The following RALGAPA2 variants were observed in gnomAD, a reference collection of about 807,000 sequenced individuals.
RALGAPA2 encodes Ral GTPase activating protein catalytic subunit alpha 2.
RALGAPA2 carries 139 observed loss-of-function variants against 230.4 expected under a neutral mutation model. The ratio of observed to expected loss-of-function variants is 0.60; its 90% CI spans 0.53 to 0.69. The LOEUF is 0.69. Ranked by LOEUF, RALGAPA2 falls within the 30% of genes least tolerant of loss-of-function variation. The pLI, the probability that RALGAPA2 is intolerant of heterozygous loss-of-function variation, is 0.00. For missense variants in RALGAPA2, 2,163 were observed against 2,276.0 expected, an observed-to-expected ratio of 0.95 and a Z score of 1.01; for synonymous variants, 847 against 837.8, an observed-to-expected ratio of 1.01 and a Z score of -0.19.
chr20:20,443,619 T>C (rs573464953), intron 37 of RALGAPA2, among the ~76,000 whole-genome samples: 2 of 152,336 alleles, frequency 1.3e-5, no homozygotes, highest in African/African-American at 2.4e-5. Flanking sequence ...GCGTACCACA[T>C]GACATCCTCA....
intron 38 of RALGAPA2, among the ~76,000 whole-genome samples, chr20:20,403,630 C>T (rs527549316): frequency 1.3e-5 from 2 of 152,328 alleles, no homozygotes; most frequent in African/African-American, 4.8e-5. Context: ...CCTCACGAAG[C>T]TGCATGCCCA....
At chr20:20,407,110 T>TGG (rs1268776111) in intron 38 of RALGAPA2, among the ~76,000 whole-genome samples, 1 of 152,152 alleles carries the variant, frequency 6.6e-6, no homozygotes, top group Non-Finnish European at 1.5e-5. Context: ...GGTCCCTTCC[T>TGG]GGGTTGGTCT....
chr20:20,601,594 T>C lies in RALGAPA2; in HGVS notation c.2203+88A>G, dbSNP rs75313737. 1.1e-3 allele frequency: 1,436 copies of C among 1,339,978 alleles called. 17 individuals are homozygous for C. The African/African-American group carries it at 0.019, about 18-fold the overall frequency. The allele number at this position is 1,339,978 out of a possible 1,614,324, so 83.0% of individuals were successfully genotyped here. A position where few individuals can be genotyped will look rare whatever the true frequency, so the allele number is the denominator to read the frequency against. On this transcript the variant is annotated intron_variant, in intron 16 of 39. Coordinates refer to ENST00000202677, the MANE Select transcript of RALGAPA2 (RefSeq NM_020343.4). The stretch of plus-strand genomic sequence containing the variant: ...TAATATAAGGTCTAATATTTAAATT[T>C]TGAGTAGAATTTTTAACACACTTTA...
chr20:20,711,081 G>A (rs2069842916), intron 1 of RALGAPA2, among the ~76,000 whole-genome samples: 1 of 152,200 alleles, frequency 6.6e-6, no homozygotes. Context: ...CCCTGTAACA[G>A]CAACTAATTT....
At chr20:20,412,297 G>C (rs975624418) in intron 37 of RALGAPA2, 149 bp from the exon 38 acceptor site, 38 of 1,128,114 alleles carry the variant, frequency 3.4e-5, no homozygotes, top group Non-Finnish European at 4.8e-5. Flanking sequence ...TTAAGTATTA[G>C]TCATAATTCA....
Position 20,677,629 on chromosome 20 carries a change from A to ATTTTT in RALGAPA2, c.218-1346_218-1342dup, listed in dbSNP as rs758379115. Among the ~76,000 whole-genome samples, 49 of 64,308 alleles carry ATTTTT rather than the reference A, an allele frequency of 7.6e-4. 3 individuals carry two copies. Among genetic ancestry groups the ATTTTT allele is most frequent in the East Asian group, 2.3e-3 (5 of 2,198 alleles). 42.2% of individuals were successfully genotyped at this position (64,308 alleles called of 152,430 possible). ...GCAGCCAAGAATCATGATTTGACCC[A>ATTTTT]TTTTTTTTTTTTTTTTTTTTTTTTT... On this transcript the variant is annotated intron_variant, in intron 2 of 39. Transcript: ENST00000202677.
chr20:20,402,425 C>A (rs1447416227), intron 38 of RALGAPA2, among the ~76,000 whole-genome samples: 1 of 152,214 alleles, frequency 6.6e-6, no homozygotes, highest in Non-Finnish European at 1.5e-5. Context: ...GGATGGCCAT[C>A]TGCGCGATTC....
At position 20,546,585 on chromosome 20, in the gene RALGAPA2, A is replaced by G. The variant is rs958841980; in HGVS notation, c.3285+119T>C. The G allele has an allele frequency of 5.5e-6, 7 of 1,274,236 alleles. No individual in the cohort carries two copies. The African/African-American group carries it at 9.1e-5, about 17-fold the overall frequency. 78.9% of individuals were successfully genotyped at this position (1,274,236 alleles called of 1,614,324 possible). A position where few individuals can be genotyped will look rare whatever the true frequency, so the allele number is the denominator to read the frequency against. ...ATCAGCTGCCAGGGTATCTACCCTG[A>G]GAGCCCAGTTTCACATTGCACTAAT... On this transcript the variant is annotated intron_variant, in intron 24 of 39. Coordinates refer to ENST00000202677, the MANE Select transcript of RALGAPA2 (RefSeq NM_020343.4).
intron 38 of RALGAPA2, among the ~76,000 whole-genome samples, chr20:20,400,634 T>C (rs1448854786): frequency 5.3e-5 from 8 of 152,328 alleles, no homozygotes; most frequent in South Asian, 2.1e-4. Flanking sequence ...CTCACTCTCA[T>C]GGAACATAAA....
chr20:20,652,208 G>A lies in RALGAPA2; in HGVS notation c.328+1322C>T, dbSNP rs1236508362. 3.3e-5 allele frequency among the ~76,000 whole-genome samples: 5 copies of A among 151,716 alleles called. 1 individual carries two copies. In the East Asian group the frequency reaches 5.8e-4, roughly 18 times the overall value. ...AATCCTAAATGAAATTTAGGATTTA[G>A]AATTTTGGAATATCCACTAATCATG... On this transcript the variant is annotated intron_variant, in intron 4 of 39. Coordinates refer to ENST00000202677, the MANE Select transcript of RALGAPA2 (RefSeq NM_020343.4).
chr20:20,561,689 T>A (rs1269852525), intron 23 of RALGAPA2, among the ~76,000 whole-genome samples: 1 of 152,240 alleles, frequency 6.6e-6, no homozygotes, highest in East Asian at 1.9e-4. Context: ...ATTTATTCCC[T>A]TGGTTAAGCT....
intron 37 of RALGAPA2, among the ~76,000 whole-genome samples, chr20:20,424,979 A>T (rs1204869558): frequency 6.6e-6 from 1 of 152,238 alleles, no homozygotes; most frequent in Non-Finnish European, 1.5e-5. Flanking sequence ...TACAGGTACT[A>T]TTTAGTGCAA....
intron 20 of RALGAPA2, among the ~76,000 whole-genome samples, chr20:20,576,235 A>G (rs2064816181): frequency 6.6e-6 from 1 of 152,148 alleles, no homozygotes; most frequent in Non-Finnish European, 1.5e-5. Flanking sequence ...ACAACAAACC[A>G]ATACTAAAAG....
intron 33 of RALGAPA2, among the ~76,000 whole-genome samples, chr20:20,507,668 A>C (rs1175653753): frequency 6.6e-6 from 1 of 152,188 alleles, no homozygotes; most frequent in Non-Finnish European, 1.5e-5. Flanking sequence ...AATATCTCTA[A>C]TATGTCCTTA....
intron 24 of RALGAPA2, among the ~76,000 whole-genome samples, chr20:20,543,813 G>GAC (rs1031431751): frequency 1.5e-4 from 23 of 151,652 alleles, no homozygotes; most frequent in Admixed American, 1.5e-3. Context: ...ACACCAACAT[G>GAC]ACACATGTAT....
chr20:20,485,113 T>C (rs1197940654), intron 36 of RALGAPA2, among the ~76,000 whole-genome samples: 1 of 152,088 alleles, frequency 6.6e-6, no homozygotes, highest in Admixed American at 6.6e-5. Context: ...ATTTTATGTG[T>C]GGCCCAAGAT....
At position 20,620,463 on chromosome 20, in the gene RALGAPA2, C is replaced by T. The variant is rs774659988; in HGVS notation, c.1401G>A (p.Glu467=). ...KLGFSETDSK[E]ASSESSGHKR... ...TCAAAAGACAAGTGAAAAAAATTAC[C>T]TCCTTGCTATCAGTCTCGGAAAATC... Residue 467 remains glutamate (E), a splice_region_variant and synonymous_variant, in exon 11 of 40, where the codon GAG becomes GAA. Coordinates refer to ENST00000202677, the MANE Select transcript of RALGAPA2 (RefSeq NM_020343.4). The T allele has an allele frequency of 1.2e-6, 2 of 1,612,542 alleles. No individual in the cohort carries two copies. Among genetic ancestry groups the T allele is most frequent in the South Asian group, 1.1e-5 (1 of 90,930 alleles).
At chr20:20,446,865 C>A (rs779300841) in intron 37 of RALGAPA2, among the ~76,000 whole-genome samples, 1 of 152,182 alleles carries the variant, frequency 6.6e-6, no homozygotes, top group African/African-American at 2.4e-5. Context: ...TGCCCAAACT[C>A]GCACTTAGGA....
At chr20:20,511,964 G>A (rs951255649) in intron 32 of RALGAPA2, among the ~76,000 whole-genome samples, 3 of 152,110 alleles carry the variant, frequency 2.0e-5, no homozygotes, top group Admixed American at 6.6e-5. Flanking sequence ...GCCAAGGAGG[G>A]TAAATCATGA....
Sources: allele counts gnomAD v4.1 joint callset (sites outside exome capture counted in the v4.1 genomes callset), GRCh38; gene constraint gnomAD v4.1.1; transcripts MANE v1.5; gene names NCBI Gene and HGNC (gene_info 2026-07-23, HGNC 2026-07-21).